LPP: variants seen among roughly 807,000 people sequenced by gnomAD.
LPP encodes the protein LIM domain containing preferred translocation partner in lipoma, also known as lipoma-preferred partner.
Under a neutral mutation model 60.4 loss-of-function variants are expected in LPP, and 38 were observed. The ratio of observed to expected loss-of-function variants is 0.63; its 90% CI spans 0.49 to 0.83. The LOEUF is 0.83. Ranked by LOEUF, LPP falls within the 40% of genes least tolerant of loss-of-function variation. The pLI is 0.00. For synonymous variants in LPP, 328 were observed against 290.8 expected (o/e 1.13, Z -1.30); for missense variants, 902 against 783.6 (o/e 1.15, Z -1.80).
chr3:188,838,442 A>G (rs1165588632), intron 9 of LPP, among the ~76,000 whole-genome samples: 1 of 152,218 alleles, frequency 6.6e-6, no homozygotes, highest in Non-Finnish European at 1.5e-5. Context: ...ATAAAAAGGT[A>G]TGGCTTATCC....
intron 6 of LPP, among the ~76,000 whole-genome samples, chr3:188,547,263 A>G (rs946048960): frequency 9.9e-5 from 15 of 152,226 alleles, no homozygotes; most frequent in Non-Finnish European, 1.8e-4. Context: ...CCTTATATAC[A>G]CAATGATGAC....
At chr3:188,497,048 G>A (rs1277860763) in intron 5 of LPP, among the ~76,000 whole-genome samples, 1 of 151,646 alleles carries the variant, frequency 6.6e-6, no homozygotes, top group Non-Finnish European at 1.5e-5. Context: ...ATACAAGAAT[G>A]AGAGCATTCA....
intron 2 of LPP, among the ~76,000 whole-genome samples, chr3:188,252,059 TATATATATATATATATAC>T (rs1411106730): frequency 1.5e-4 from 15 of 100,668 alleles, no homozygotes; most frequent in South Asian, 9.6e-4. Context: ...TATATATATA[TATATATATATATATATAC>T]ACACACACAC....
At position 188,610,963 on chromosome 3, in the gene LPP, T is replaced by C. The variant is rs980300827; in HGVS notation, c.1113+1119T>C. Among the ~76,000 whole-genome samples, 2 of 152,202 alleles carry C rather than the reference T, an allele frequency of 1.3e-5. No homozygotes were observed. The highest frequency in any genetic ancestry group is 2.9e-5 in the Non-Finnish European group (2 of 68,030). ...GGATTGGGTAGAAGTTTGGACTGTA[T>C]TTTTAAAAATTCTTTCCACATTTTT... On this transcript the variant is annotated intron_variant, in intron 7 of 11. Transcript: ENST00000617246. This position sits in a 1 kb window ranked among gnomAD's most constrained non-coding sequence, Gnocchi z 4.4.
In LPP at chr3:188,609,487, C is replaced by T; in HGVS notation, c.756C>T (p.Asn252=). 1 of 1,614,186 alleles carries T rather than the reference C, an allele frequency of 6.2e-7. No homozygotes were observed. The change falls in exon 7 of 12, where the codon AAC becomes AAT. Residue 252 remains asparagine (N), a synonymous_variant. Coordinates refer to ENST00000617246, the MANE Select transcript of LPP (RefSeq NM_001375462.1). This position sits in a 1 kb window ranked among gnomAD's most constrained non-coding sequence, Gnocchi z 6.9. ...QIYGSGPQGY[N]TQPVPVSGQC... is the part of the protein sequence containing the mutation. ...ATGGCTCAGGGCCCCAGGGCTATAA[C>T]ACTCAGCCAGTTCCTGTCTCTGGGC...
At chr3:188,797,695 G>C (rs1262791915) in intron 9 of LPP, among the ~76,000 whole-genome samples, 1 of 152,110 alleles carries the variant, frequency 6.6e-6, no homozygotes, top group African/African-American at 2.4e-5. Context: ...AATCTCTGAA[G>C]ATTCCCTTTG....
intron 8 of LPP, among the ~76,000 whole-genome samples, chr3:188,748,442 A>G (rs554160304): frequency 2.0e-5 from 3 of 152,240 alleles, no homozygotes; most frequent in South Asian, 2.1e-4. Flanking sequence ...CAATTCTTCT[A>G]TCCACAGATT....
intron 6 of LPP, among the ~76,000 whole-genome samples, 184 bp downstream of exon 6, chr3:188,524,971 CTTTTT>C (rs540192956): frequency 1.7e-5 from 2 of 119,338 alleles, no homozygotes; most frequent in African/African-American, 6.5e-5. Context: ...CTTTCTTTCT[CTTTTT>C]TTTTTTTTTT....
At chr3:188,466,841 A>ATATATATATATATATAT (rs1560442091) in intron 4 of LPP, among the ~76,000 whole-genome samples, 7 of 138,186 alleles carry the variant, frequency 5.1e-5, no homozygotes, top group Non-Finnish European at 9.4e-5. Context: ...ATATATATAT[A>ATATATATATATATATAT]TGCTGTGTAA....
At chr3:188,441,636 T>TTTTTTTTTTTTTC in intron 4 of LPP, among the ~76,000 whole-genome samples, 1 of 132,720 alleles carries the variant, frequency 7.5e-6, no homozygotes, top group African/African-American at 3.0e-5. Flanking sequence ...TTTTTTTTTT[T>TTTTTTTTTTTTTC]TTGAGATGGA....
intron 9 of LPP, among the ~76,000 whole-genome samples, chr3:188,840,940 G>A (rs928112807): frequency 3.3e-5 from 5 of 152,192 alleles, no homozygotes; most frequent in Non-Finnish European, 5.9e-5. Context: ...CTGATGTGGC[G>A]GGCATCCAAA....
At chr3:188,451,388 T>C (rs751437712) in intron 4 of LPP, among the ~76,000 whole-genome samples, 25 of 152,252 alleles carry the variant, frequency 1.6e-4, no homozygotes, top group Admixed American at 3.3e-4. Context: ...GGGAAAAAAA[T>C]CTCTTGAAAA....
intron 8 of LPP, among the ~76,000 whole-genome samples, chr3:188,729,775 C>G (rs1719748891): frequency 6.7e-6 from 1 of 148,476 alleles, no homozygotes; most frequent in Non-Finnish European, 1.5e-5. Context: ...CCTGGGAGTT[C>G]AAGACCAGCC....
chr3:188,523,037 A>G (rs1051653959), intron 5 of LPP, among the ~76,000 whole-genome samples: 9 of 151,690 alleles, frequency 5.9e-5, no homozygotes, highest in East Asian at 3.9e-4. Context: ...CCTCCCAAGT[A>G]TCTGGGATTA....
intron 5 of LPP, among the ~76,000 whole-genome samples, chr3:188,494,036 C>T (rs1196858961): frequency 6.6e-6 from 1 of 152,092 alleles, no homozygotes; most frequent in Non-Finnish European, 1.5e-5. Flanking sequence ...AGCTAGCTTG[C>T]ACTTAAACCT....
intron 2 of LPP, among the ~76,000 whole-genome samples, chr3:188,313,303 G>C (rs1321963244): frequency 6.8e-6 from 1 of 147,372 alleles, no homozygotes; most frequent in African/African-American, 2.6e-5. Flanking sequence ...AAAATTTCTG[G>C]CTTTTAATGC....
chr3:188,594,123 G>A (rs769609727), intron 6 of LPP, among the ~76,000 whole-genome samples: 1 of 152,126 alleles, frequency 6.6e-6, no homozygotes, highest in Non-Finnish European at 1.5e-5. Context: ...TAGAACAATG[G>A]TACTCAAACT....
intron 6 of LPP, among the ~76,000 whole-genome samples, chr3:188,591,644 A>T (rs1405880759): frequency 6.6e-6 from 1 of 152,032 alleles, no homozygotes; most frequent in African/African-American, 2.4e-5. Flanking sequence ...GGCTTCCTTT[A>T]TGCCCTTCAT....
intron 7 of LPP, among the ~76,000 whole-genome samples, chr3:188,684,012 A>G (rs1342772486): frequency 6.6e-6 from 1 of 152,250 alleles, no homozygotes; most frequent in Admixed American, 6.5e-5. Context: ...CATGAACAAG[A>G]GAACTTTGTG....
Sources: allele counts gnomAD v4.1 joint callset (sites outside exome capture counted in the v4.1 genomes callset), GRCh38; gene constraint gnomAD v4.1.1; non-coding constraint Gnocchi (gnomAD v3.1); transcripts MANE v1.5; gene names NCBI Gene and HGNC (gene_info 2026-07-23, HGNC 2026-07-21).